Variants in B4GALNT2 observed in about 807,000 individuals in gnomAD.
B4GALNT2 encodes beta-1,4-N-acetyl-galactosaminyltransferase 2 (SID blood group), also known as N-acetylneuraminylgalactosylglucosyl-glucoside beta-1,4-N- acetylgalactosaminyltransferase 2.
A neutral mutation model predicts 51.1 loss-of-function variants in B4GALNT2; 42 were observed. That is an observed-to-expected ratio of 0.82 (90% CI 0.64 to 1.06). B4GALNT2 has a LOEUF of 1.06. Among genes scored for constraint, B4GALNT2 ranks in the 50% least tolerant of loss-of-function variants. The probability of loss-of-function intolerance (pLI) is 0.00; values close to 1 mark genes in which losing one functional copy is unlikely to be tolerated. For missense variants in B4GALNT2, 602 were observed against 633.6 expected, an observed-to-expected ratio of 0.95 and a Z score of 0.54; for synonymous variants, 253 against 251.7, an observed-to-expected ratio of 1.01 and a Z score of -0.05.
chr17:49,153,915 C>T (rs2042783242), intron 4 of B4GALNT2, among the ~76,000 whole-genome samples: 1 of 152,116 alleles, frequency 6.6e-6, no homozygotes, highest in Admixed American at 6.5e-5. Context: ...GGACAGAAAT[C>T]TGTGTGCCTC....
intron 5 of B4GALNT2, 22 bp from the exon 6 acceptor site, chr17:49,159,015 C>T (rs1373517716): frequency 3.1e-6 from 5 of 1,611,112 alleles, no homozygotes; most frequent in Non-Finnish European, 4.2e-6. Context: ...CATTGAGCAT[C>T]ATTCTACCTC....
chr17:49,132,826 A>G lies in B4GALNT2; in HGVS notation c.14+20A>G. 2.9e-6 allele frequency: 4 copies of G among 1,376,646 alleles called. No individual in the cohort carries two copies. Among genetic ancestry groups the G allele is most frequent in the Non-Finnish European group, 3.8e-6 (4 of 1,063,624 alleles). The allele number at this position is 1,376,646 out of a possible 1,614,324, so 85.3% of individuals were successfully genotyped here. On this transcript the variant is annotated intron_variant, in intron 1 of 10. Transcript: ENST00000393354. ...GGGCGGGTGAGTGTCCCCGGGGCAGAGCAGAGCGAGAGGTGAAACTTCGGG... is the reference window on the plus strand; with the variant it reads ...GGGCGGGTGAGTGTCCCCGGGGCAGGGCAGAGCGAGAGGTGAAACTTCGGG...
Position 49,172,066 on chromosome 17 carries a change from C to A in B4GALNT2, c.*2338C>A. 3.6e-6 allele frequency: 1 copy of A among 281,124 alleles called. No homozygotes were observed. The highest frequency in any genetic ancestry group is 1.1e-4 in the South Asian group (1 of 9,178). 17.4% of individuals were successfully genotyped at this position (281,124 alleles called of 1,614,324 possible). Reference sequence around the variant, plus strand: ...TCATGGCAATGGTGATCACCACTATCATATCTATCATTAAATTACTCATTG... The same window carrying A: ...TCATGGCAATGGTGATCACCACTATAATATCTATCATTAAATTACTCATTG... On this transcript the variant is annotated 3_prime_UTR_variant, in exon 11 of 11. Transcript: ENST00000393354.
chr17:49,156,269 A>T (rs2042809435), intron 4 of B4GALNT2, among the ~76,000 whole-genome samples: 1 of 152,160 alleles, frequency 6.6e-6, no homozygotes, highest in Non-Finnish European at 1.5e-5. Flanking sequence ...TTATTCATCC[A>T]TTGCTTCCTC....
chr17:49,155,293 G>A (rs1410148985), intron 4 of B4GALNT2, among the ~76,000 whole-genome samples: 5 of 79,840 alleles, frequency 6.3e-5, no homozygotes, highest in East Asian at 8.4e-4. Flanking sequence ...GTGAGATTCA[G>A]TCTCAAAAAA....
At chr17:49,135,222 C>T (rs2144267690) in intron 1 of B4GALNT2, among the ~76,000 whole-genome samples, 1 of 152,320 alleles carries the variant, frequency 6.6e-6, no homozygotes, top group Middle Eastern at 3.4e-3. Context: ...CATACACACA[C>T]AGAGTATTTC....
At chr17:49,133,215 C>T (rs1463426852) in intron 1 of B4GALNT2, 4 of 1,496,892 alleles carry the variant, frequency 2.7e-6, no homozygotes, top group East Asian at 5.7e-5. Context: ...GAGCCGCCGT[C>T]AGGGGTATGT....
chr17:49,159,060 G>A lies in B4GALNT2; in HGVS notation c.522G>A (p.Gly174=), dbSNP rs2042837598. 2.5e-6 allele frequency: 4 copies of A among 1,614,168 alleles called. No individual in the cohort carries two copies. The highest frequency in any genetic ancestry group is 3.4e-6 in the Non-Finnish European group (4 of 1,180,022). The part of the protein sequence containing the change: ...VYEVTLTASL[G]TLNTLADVPD... The stretch of plus-strand genomic sequence containing the variant: ...AGGTCACCCTGACAGCTTCTCTGGG[G>A]ACACTGAACACCCTTGCTGATGTCC... Residue 174 remains glycine, a synonymous_variant, in exon 6 of 11, where the codon GGG becomes GGA. Coordinates refer to ENST00000393354, the MANE Select transcript of B4GALNT2 (RefSeq NM_001159387.2).
intron 5 of B4GALNT2, among the ~76,000 whole-genome samples, chr17:49,157,193 C>G (rs2042818436): frequency 6.6e-6 from 1 of 152,166 alleles, no homozygotes; most frequent in Admixed American, 6.5e-5. Flanking sequence ...CAGGGTCTCA[C>G]TCTGTCACCC....
chr17:49,156,109 C>T (rs2042807283), intron 4 of B4GALNT2, among the ~76,000 whole-genome samples: 2 of 152,116 alleles, frequency 1.3e-5, no homozygotes, highest in African/African-American at 4.8e-5. Flanking sequence ...CATCAGTCAC[C>T]ACCAGAACTT....
chr17:49,151,157 G>A (rs1265809926), intron 3 of B4GALNT2, among the ~76,000 whole-genome samples: 1 of 4 alleles, frequency 0.25, no homozygotes, highest in African/African-American at 0.25. Context: ...GGCGGATCAC[G>A]AGGTCAGGAG....
Position 49,172,157 on chromosome 17 carries a change from C to A in B4GALNT2, c.*2429C>A. ...CTGTGACAGCTTCTTGATCTGTCCC[C>A]AGGTAGGTGGCTGTGTTCGACAGCT... On this transcript the variant is annotated 3_prime_UTR_variant, in exon 11 of 11. Transcript: ENST00000393354. 2 of 287,342 alleles carry A rather than the reference C, an allele frequency of 7.0e-6. No homozygotes were observed. The highest frequency in any genetic ancestry group is 1.3e-5 in the Non-Finnish European group (2 of 155,870). The allele number at this position is 287,342 out of a possible 1,614,324, so 17.8% of individuals were successfully genotyped here.
In B4GALNT2 at chr17:49,173,896, A is replaced by G. The variant is rs2042972592; in HGVS notation, c.*4168A>G. The G allele has an allele frequency of 6.6e-6, 1 of 152,194 alleles. No homozygotes were observed. Among genetic ancestry groups the G allele is most frequent in the Non-Finnish European group, 1.5e-5 (1 of 68,040 alleles). 9.4% of individuals were successfully genotyped at this position (152,194 alleles called of 1,614,324 possible). On this transcript the variant is annotated 3_prime_UTR_variant, in exon 11 of 11. Coordinates refer to ENST00000393354, the MANE Select transcript of B4GALNT2 (RefSeq NM_001159387.2). Reference sequence around the variant, plus strand: ...ATGGACTTGCTTTTTGATGAGCTGCAGCTCTGCATCAGCTTCTTTTGTTAA... The same window carrying G: ...ATGGACTTGCTTTTTGATGAGCTGCGGCTCTGCATCAGCTTCTTTTGTTAA...
chr17:49,149,513 G>C (rs1192684989), intron 3 of B4GALNT2, among the ~76,000 whole-genome samples: 1 of 152,024 alleles, frequency 6.6e-6, no homozygotes. Context: ...TGGACATGGT[G>C]GTGTATGCCT....
chr17:49,171,844 A>G lies in B4GALNT2; in HGVS notation c.*2116A>G, dbSNP rs1009007123. ...ATTATTTCTGGCCAGGTCTAATTCT[A>G]TTTACAAATAGGTTTTGAGCTGCCT... On this transcript the variant is annotated 3_prime_UTR_variant, in exon 11 of 11. Transcript: ENST00000393354. 8.6e-6 allele frequency: 3 copies of G among 350,664 alleles called. No individual in the cohort carries two copies. The highest frequency in any genetic ancestry group is 6.8e-5 in the African/African-American group (3 of 44,216). The allele number at this position is 350,664 out of a possible 1,614,324, so 21.7% of individuals were successfully genotyped here.
chr17:49,156,657 C>G, intron 5 of B4GALNT2, 54 bp downstream of exon 5: 1 of 1,583,228 alleles, frequency 6.3e-7, no homozygotes, highest in Non-Finnish European at 8.7e-7. Context: ...CTCATTCCCT[C>G]AACTGTGGCT....
the B4GALNT2 span, among the ~76,000 whole-genome samples, chr17:49,125,280 C>A: frequency 6.6e-6 from 1 of 152,172 alleles, no homozygotes; most frequent in Non-Finnish European, 1.5e-5. Context: ...CTGCCTCAGC[C>A]TCCCGAGTAG....
At chr17:49,159,322 TTGTG>T (rs1442994570) in intron 6 of B4GALNT2, 105 bp downstream of exon 6, 29 of 1,215,388 alleles carry the variant, frequency 2.4e-5, no homozygotes, top group Non-Finnish European at 3.0e-5. Flanking sequence ...TTTTTGTGTT[TTGTG>T]TGTGTTTGTT....
chr17:49,147,231 C>A (rs2042702575), intron 3 of B4GALNT2, among the ~76,000 whole-genome samples: 1 of 152,190 alleles, frequency 6.6e-6, no homozygotes, highest in East Asian at 1.9e-4. Flanking sequence ...TCAGTTGAGG[C>A]TGATTGGTCA....
Sources: gnomAD v4.1 joint callset for allele counts (sites outside exome capture counted in the v4.1 genomes callset) on GRCh38, gnomAD v4.1.1 for gene constraint, MANE v1.5 for transcripts, NCBI Gene and HGNC (gene_info 2026-07-23, HGNC 2026-07-21) for gene names.